Variants in TP53BP1 observed in about 807,000 individuals in gnomAD.
TP53BP1 encodes TP53-binding protein 1.
In TP53BP1, 61 loss-of-function variants were observed where a neutral mutation model predicts 200.8. That is an observed-to-expected ratio of 0.30 (90% CI 0.25 to 0.38). TP53BP1 has a LOEUF of 0.38. Ranked by LOEUF, TP53BP1 falls within the 10% of genes least tolerant of loss-of-function variation. The pLI is 1.00. For missense variants in TP53BP1, 2,144 were observed against 2,371.9 expected (o/e 0.90, Z 2.00); for synonymous variants, 822 against 844.3 (o/e 0.97, Z 0.46).
At chr15:43,492,119 TC>T (rs772996507) in intron 2 of TP53BP1, 24 bp from the exon 3 acceptor site, 11 of 1,571,154 alleles carry the variant, frequency 7.0e-6, no homozygotes, top group Non-Finnish European at 1.8e-6. Flanking sequence ...ATACAAAATA[TC>T]CCCATTATAT....
chr15:43,436,876 A>G (rs1011167501), intron 16 of TP53BP1, among the ~76,000 whole-genome samples: 1 of 151,986 alleles, frequency 6.6e-6, no homozygotes, highest in Non-Finnish European at 1.5e-5. Flanking sequence ...TAAAGAAATT[A>G]TGGGGCTAAG....
intron 10 of TP53BP1, among the ~76,000 whole-genome samples, chr15:43,470,283 G>A (rs368444155): frequency 1.3e-5 from 2 of 152,286 alleles, no homozygotes; most frequent in African/African-American, 4.8e-5. Flanking sequence ...CTATTTTTAG[G>A]TATAGATCAA....
At chr15:43,467,360 G>A (rs1437688226) in intron 11 of TP53BP1, among the ~76,000 whole-genome samples, 2 of 152,042 alleles carry the variant, frequency 1.3e-5, no homozygotes, top group Non-Finnish European at 2.9e-5. Context: ...TACTGCGCCC[G>A]GCCTACTAAA....
At position 43,446,403 on chromosome 15, in the gene TP53BP1, C is replaced by T; in HGVS notation, c.3024G>A (p.Leu1008=). Reference sequence around the variant, plus strand: ...AAAACTTACTTTCCAGGTTGAACTGCAAAGACTCTTCACTCGCCTCAGTCT... The same window carrying T: ...AAAACTTACTTTCCAGGTTGAACTGTAAAGACTCTTCACTCGCCTCAGTCT... ...SPETEASEES[L]QFNLEKPATG... Residue 1008 remains leucine, a synonymous_variant, in exon 14 of 28, where the codon TTG becomes TTA. Coordinates refer to ENST00000382044, the MANE Select transcript of TP53BP1 (RefSeq NM_001141980.3). The T allele has an allele frequency of 6.2e-7, 1 of 1,614,058 alleles. No individual in the cohort carries two copies. Among genetic ancestry groups the T allele is most frequent in the Non-Finnish European group, 8.5e-7 (1 of 1,179,934 alleles).
At chr15:43,419,201 C>T (rs994901463) in intron 21 of TP53BP1, among the ~76,000 whole-genome samples, 1 of 152,222 alleles carries the variant, frequency 6.6e-6, no homozygotes, top group South Asian at 2.1e-4. Context: ...GCCTGGGAAA[C>T]AGAGTGAGTG....
intron 11 of TP53BP1, among the ~76,000 whole-genome samples, chr15:43,465,552 A>G (rs1407646937): frequency 6.6e-6 from 1 of 152,114 alleles, no homozygotes; most frequent in Non-Finnish European, 1.5e-5. Flanking sequence ...TTAAAAAAAG[A>G]AGAAGAACAG....
At chr15:43,439,393 G>T (rs1409439073) in intron 15 of TP53BP1, among the ~76,000 whole-genome samples, 1 of 152,138 alleles carries the variant, frequency 6.6e-6, no homozygotes, top group East Asian at 1.9e-4. Context: ...ACAAAAATTA[G>T]CCCCTGGTGG....
At chr15:43,480,831 T>C in intron 5 of TP53BP1, 64 bp downstream of exon 5, 1 of 1,568,890 alleles carries the variant, frequency 6.4e-7, no homozygotes, top group Non-Finnish European at 8.7e-7. Flanking sequence ...AATTTAGACA[T>C]CTGCACAATC....
Position 43,482,063 on chromosome 15 carries a change from TA to T in TP53BP1, c.372-1042del, listed in dbSNP as rs540334007. 8.2e-3 allele frequency among the ~76,000 whole-genome samples: 1,227 copies of T among 149,694 alleles called. 16 individuals carry two copies. Among genetic ancestry groups the T allele is most frequent in the African/African-American group, 0.027 (1,109 of 40,778 alleles). ...TAACATGGTGAAACCCCATCTCTAC[TA>T]AAAAATACAAAAAAATTAGCTGGGC... On this transcript the variant is annotated intron_variant, in intron 4 of 27. Transcript: ENST00000382044.
rs188423732 is a variant in TP53BP1 at position 43,491,749 on chromosome 15, A to G, written c.291T>C (p.Pro97=). ...EHLKENKVAD[P]VDSSNLDTCG... ...ATGTGTCCAAGTTAGAAGAATCCAC[A>G]GGGTCTGAAAAAAATAACTGGATAT... Residue 97 remains proline (P), a synonymous_variant, in exon 4 of 28, where the codon CCT becomes CCC. Transcript: ENST00000382044. The G allele has an allele frequency of 1.8e-5, 29 of 1,613,576 alleles. No homozygotes were observed. The Admixed American group carries it at 4.2e-4, about 23-fold the overall frequency.
At chr15:43,418,222 G>A (rs1445525691) in intron 21 of TP53BP1, among the ~76,000 whole-genome samples, 1 of 150,152 alleles carries the variant, frequency 6.7e-6, no homozygotes, top group African/African-American at 2.5e-5. Context: ...TTTTGGCTGG[G>A]CATGGTGGCT....
intron 11 of TP53BP1, among the ~76,000 whole-genome samples, chr15:43,462,216 CAAAAAAAAAAAAAAAAAAAAA>C (rs779088744): frequency 0.11 from 3,868 of 34,072 alleles, 146 homozygotes; most frequent in Non-Finnish European, 0.18. Context: ...GACTTCATCT[CAAAAAAAAAAAAAAAAAAAAA>C]AAAAAAAAAA....
intron 24 of TP53BP1, among the ~76,000 whole-genome samples, chr15:43,410,870 G>A (rs2045096623): frequency 6.6e-6 from 1 of 152,130 alleles, no homozygotes; most frequent in Non-Finnish European, 1.5e-5. Context: ...CACTTTTACT[G>A]CTCTTTTCTT....
At chr15:43,470,509 G>A (rs1050516029) in intron 10 of TP53BP1, among the ~76,000 whole-genome samples, 5 of 152,030 alleles carry the variant, frequency 3.3e-5, no homozygotes, top group East Asian at 1.9e-4. Flanking sequence ...TCATATTTAC[G>A]AACTGATTAT....
chr15:43,413,303 G>T lies in TP53BP1; in HGVS notation c.5121C>A (p.Pro1707=). The change falls in exon 24 of 28, where the codon CCC becomes CCA. Residue 1707 remains proline, a synonymous_variant. Coordinates refer to ENST00000382044, the MANE Select transcript of TP53BP1 (RefSeq NM_001141980.3). ...CACCGGTGTTGTCTCCACTCTCACA[G>T]GGGCTCACAAACTCTCCTGCCCCTA... ...GAVGAGEFVS[P]CESGDNTGEP... The T allele has an allele frequency of 6.2e-7, 1 of 1,614,096 alleles. No individual in the cohort carries two copies. The highest frequency in any genetic ancestry group is 8.5e-7 in the Non-Finnish European group (1 of 1,180,014).
chr15:43,462,168 C>G (rs988439919), intron 11 of TP53BP1, among the ~76,000 whole-genome samples: 1 of 108,804 alleles, frequency 9.2e-6, no homozygotes, highest in Non-Finnish European at 1.8e-5. Flanking sequence ...CCCATCTCTA[C>G]TAAAAACACA....
At position 43,432,378 on chromosome 15, in the gene TP53BP1, C is replaced by T. The variant is rs150370215; in HGVS notation, c.3491G>A (p.Cys1164Tyr). Residue 1164 changes from cysteine (C) to tyrosine (Y), a missense_variant, in exon 17 of 28, where the codon TGT (cysteine) becomes TAT (tyrosine). Physicochemically the swap from Cys to Tyr is radical, Grantham distance 194 (BLOSUM62 -2). This residue lies in a region of TP53BP1 where 1,700 missense variants were observed against 1,710.3 expected (regional missense o/e 0.99). Transcript: ENST00000382044. Reference protein sequence around the residue: ...QNNIGIQTMECSLRVPETVSA... With the variant: ...QNNIGIQTMEYSLRVPETVSA... ...AACAGTTTCTGGGACCCTCAAGGAA[C>T]ACTCCATGGTTTGGATTCCTATGTT... The T allele has an allele frequency of 1.8e-5, 29 of 1,614,096 alleles. No homozygotes were observed. In the African/African-American group the frequency reaches 3.2e-4, roughly 18 times the overall value.
chr15:43,403,888 A>T lies in TP53BP1; in HGVS notation c.*3495T>A. The T allele has an allele frequency of 1.1e-6, 1 of 912,454 alleles. No individual in the cohort carries two copies. 56.5% of individuals were successfully genotyped at this position (912,454 alleles called of 1,614,324 possible). On this transcript the variant is annotated 3_prime_UTR_variant, in exon 28 of 28. Transcript: ENST00000382044. ...TTCATGATCTTTCCTCTGAGTCAGT[A>T]AAGCATTTCCTCAATACACACACGT...
Position 43,403,511 on chromosome 15 carries a change from T to G in TP53BP1, c.*3872A>C. On this transcript the variant is annotated 3_prime_UTR_variant, in exon 28 of 28. Coordinates refer to ENST00000382044, the MANE Select transcript of TP53BP1 (RefSeq NM_001141980.3). ...GGAAAGGATGCATTTGTTTTACGCATTTTGTGCGTCTGAGGGGCTGGCAGG... is the reference window on the plus strand; with the variant it reads ...GGAAAGGATGCATTTGTTTTACGCAGTTTGTGCGTCTGAGGGGCTGGCAGG... The G allele has an allele frequency of 1.7e-6, 1 of 573,424 alleles. No individual in the cohort carries two copies. Among genetic ancestry groups the G allele is most frequent in the Non-Finnish European group, 3.1e-6 (1 of 319,044 alleles). 35.5% of individuals were successfully genotyped at this position (573,424 alleles called of 1,614,324 possible).
Sources: allele counts gnomAD v4.1 joint callset (sites outside exome capture counted in the v4.1 genomes callset), GRCh38; gene constraint gnomAD v4.1.1; regional missense constraint gnomAD v4.1.1; transcripts MANE v1.5; gene names NCBI Gene and HGNC (gene_info 2026-07-23, HGNC 2026-07-21).